The following CCDC171 variants were observed in gnomAD, a reference collection of about 807,000 sequenced individuals.
The protein encoded by CCDC171 is coiled-coil domain containing 171.
A neutral mutation model predicts 168.2 loss-of-function variants in CCDC171; 177 were observed. The ratio of observed to expected loss-of-function variants is 1.05; its 90% CI spans 0.93 to 1.19. The LOEUF (loss-of-function observed/expected upper bound fraction) is 1.19. Among genes scored for constraint, CCDC171 ranks in the 50% most tolerant of loss-of-function variants. CCDC171 has a pLI of 0.00. For missense variants in CCDC171, 1,991 were observed against 1,539.0 expected (o/e 1.29, Z -4.91); for synonymous variants, 687 against 540.8 (o/e 1.27, Z -3.75).
Position 15,909,448 on chromosome 9 carries a change from C to T in CCDC171, c.3601-10822C>T, listed in dbSNP as rs915321951. Among the ~76,000 whole-genome samples, 16 of 151,820 alleles carry T rather than the reference C, an allele frequency of 1.1e-4. No individual in the cohort carries two copies. The South Asian group carries it at 1.2e-3, about 12-fold the overall frequency. On this transcript the variant is annotated intron_variant, in intron 24 of 25. Coordinates refer to ENST00000380701, the MANE Select transcript of CCDC171 (RefSeq NM_173550.4). ...CGTGCACATAATTCCACTGGCAAAG[C>T]GAGAAGGTGGTTGGCAGTCTGACAT...
At chr9:15,575,125 AAG>A (rs1209421252) in intron 3 of CCDC171, among the ~76,000 whole-genome samples, 3 of 152,000 alleles carry the variant, frequency 2.0e-5, no homozygotes, top group African/African-American at 7.2e-5. Context: ...ATAAATTAGA[AAG>A]AGAGAGGGTA....
In CCDC171 at chr9:15,577,159, A is replaced by G. The variant is rs190834646; in HGVS notation, c.178-1690A>G. 5.3e-5 allele frequency among the ~76,000 whole-genome samples: 8 copies of G among 152,342 alleles called. No individual in the cohort carries two copies. In the East Asian group the frequency reaches 1.3e-3, roughly 26 times the overall value. On this transcript the variant is annotated intron_variant, in intron 3 of 25. Coordinates refer to ENST00000380701, the MANE Select transcript of CCDC171 (RefSeq NM_173550.4). ...TTGTAATTTTGCATTTCCCATAATT[A>G]GATTTCCAGGTTTGTTCATAACCTT...
rs374853930 is a variant in CCDC171, at chr9:15,564,062, G to C, written c.-27G>C. ...GAAATATGTCATTAAGAAATAGCAG[G>C]GTATTTTGAAAGAGTTGGAAAACAT... On this transcript the variant is annotated 5_prime_UTR_variant, in exon 2 of 26. Transcript: ENST00000380701. The C allele has an allele frequency of 6.4e-6, 10 of 1,561,858 alleles. No individual in the cohort carries two copies. The East Asian group carries it at 6.8e-5, about 11-fold the overall frequency.
chr9:15,825,538 A>C (rs1194117937), intron 21 of CCDC171, among the ~76,000 whole-genome samples: 1 of 152,166 alleles, frequency 6.6e-6, no homozygotes, highest in African/African-American at 2.4e-5. Context: ...CACATATTAG[A>C]AAGTTTTGGA....
At chr9:16,007,017 A>G (rs2132969706) in intron 3 of CCDC171, among the ~76,000 whole-genome samples, 1 of 152,332 alleles carries the variant, frequency 6.6e-6, no homozygotes, top group South Asian at 2.1e-4. Context: ...ACTGACTTCC[A>G]CAATGGTTGA....
intron 25 of CCDC171, among the ~76,000 whole-genome samples, chr9:15,959,263 C>A (rs1392187175): frequency 6.6e-6 from 1 of 152,140 alleles, no homozygotes; most frequent in Non-Finnish European, 1.5e-5. Context: ...GCCTTTCCAT[C>A]CATTTCTATC....
intron 11 of CCDC171, among the ~76,000 whole-genome samples, chr9:15,710,667 C>G (rs1348387214): frequency 6.6e-6 from 1 of 151,962 alleles, no homozygotes; most frequent in East Asian, 1.9e-4. Flanking sequence ...ACAATCTCAG[C>G]TCACTGCAAC....
chr9:16,049,856 A>T (rs1833721926), intron 1 of CCDC171, among the ~76,000 whole-genome samples: 1 of 152,174 alleles, frequency 6.6e-6, no homozygotes, highest in Admixed American at 6.5e-5. Context: ...TAGATTTGAT[A>T]TCAGGGAAGC....
At chr9:15,686,725 C>G (rs1397624760) in intron 10 of CCDC171, among the ~76,000 whole-genome samples, 1 of 152,124 alleles carries the variant, frequency 6.6e-6, no homozygotes, top group East Asian at 1.9e-4. Flanking sequence ...CATTTATAAA[C>G]ATGTGTACAC....
chr9:15,912,344 C>T (rs1014105432), intron 24 of CCDC171, among the ~76,000 whole-genome samples: 2 of 152,110 alleles, frequency 1.3e-5, no homozygotes, highest in African/African-American at 4.8e-5. Context: ...ATTTGGCTCT[C>T]TGTTTGTCTA....
At chr9:15,729,969 A>G (rs566164429) in intron 16 of CCDC171, among the ~76,000 whole-genome samples, 171 bp downstream of exon 16, 2 of 152,108 alleles carry the variant, frequency 1.3e-5, no homozygotes, top group South Asian at 2.1e-4. Flanking sequence ...GTGTGTGTGT[A>G]TGGGTGTGTA....
intron 21 of CCDC171, among the ~76,000 whole-genome samples, chr9:15,812,953 A>G (rs974592510): frequency 1.3e-5 from 2 of 152,208 alleles, no homozygotes; most frequent in Non-Finnish European, 2.9e-5. Context: ...ACTGAGCACT[A>G]TCAGATGATC....
In CCDC171 at chr9:15,824,448, C is replaced by T. The variant is rs115657164; in HGVS notation, c.3268-22254C>T. 9.6e-3 allele frequency among the ~76,000 whole-genome samples: 1,463 copies of T among 151,840 alleles called. 25 individuals carry two copies. Among genetic ancestry groups the T allele is most frequent in the African/African-American group, 0.034 (1,395 of 41,456 alleles). On this transcript the variant is annotated intron_variant, in intron 21 of 25. Transcript: ENST00000380701. ...GTGTGGTTTTTGTCATTTGCGTGTT[C>T]AGTCTTCTATTGGTGCTTTGCTTTT...
At chr9:15,729,857 CTTT>C in intron 16 of CCDC171, 59 bp downstream of exon 16, 2 of 1,193,746 alleles carry the variant, frequency 1.7e-6, no homozygotes, top group Non-Finnish European at 2.3e-6. Context: ...CCATTAGAAA[CTTT>C]TTTTTTTTCA....
At chr9:15,930,716 T>C (rs1378108590) in intron 25 of CCDC171, among the ~76,000 whole-genome samples, 1 of 151,712 alleles carries the variant, frequency 6.6e-6, no homozygotes, top group South Asian at 2.1e-4. Context: ...TTTTCAAAAA[T>C]GTGTTTCCTT....
rs747061125 is a variant in CCDC171, at chr9:15,724,945, A to C, written c.1661A>C (p.Lys554Thr). 26 of 1,613,826 alleles carry C rather than the reference A, an allele frequency of 1.6e-5. No homozygotes were observed. Among genetic ancestry groups the C allele is most frequent in the Non-Finnish European group, 2.1e-5 (25 of 1,179,850 alleles). Residue 554 changes from lysine to threonine, a missense_variant, in exon 14 of 26, where the codon AAG becomes ACG. Lys to Thr is a moderately conservative substitution (Grantham distance 78). Transcript: ENST00000380701. ...QAAQSESELQKLSQAFHKDAE... is the reference protein window; with the variant it reads ...QAAQSESELQTLSQAFHKDAE... ...GCCCAGTCTGAAAGTGAACTGCAGA[A>C]GCTTTCCCAGGCTTTCCATAAGGAT...
chr9:15,768,685 G>A (rs13296276), intron 18 of CCDC171, among the ~76,000 whole-genome samples: 84,357 of 152,006 alleles, frequency 0.55, 24,843 homozygotes, highest in African/African-American at 0.76. Context: ...TATTTATATC[G>A]AGTTGTTTTT....
chr9:16,050,588 T>C (rs1190679079), intron 1 of CCDC171, among the ~76,000 whole-genome samples: 1 of 152,254 alleles, frequency 6.6e-6, no homozygotes, highest in Non-Finnish European at 1.5e-5. Flanking sequence ...GTATGACTTA[T>C]GTAAACTTTA....
chr9:15,576,427 A>G (rs1034528089), intron 3 of CCDC171, among the ~76,000 whole-genome samples: 3 of 151,306 alleles, frequency 2.0e-5, no homozygotes, highest in South Asian at 2.1e-4. Context: ...GCCTCAAGCA[A>G]CCCTCCCTCA....
Sources: gnomAD v4.1 joint callset for allele counts (sites outside exome capture counted in the v4.1 genomes callset) on GRCh38, gnomAD v4.1.1 for gene constraint, MANE v1.5 for transcripts, NCBI Gene and HGNC (gene_info 2026-07-23, HGNC 2026-07-21) for gene names.